SORCS3: variants seen among roughly 807,000 people sequenced by gnomAD.
SORCS3 encodes VPS10 domain-containing receptor SorCS3.
A neutral mutation model predicts 146.3 loss-of-function variants in SORCS3; 57 were observed. The observed-to-expected ratio is 0.39, with a 90% CI of 0.31 to 0.49. SORCS3 has a LOEUF of 0.49. Ranked by LOEUF, SORCS3 falls within the 20% of genes least tolerant of loss-of-function variation. The pLI is 0.92. For synonymous variants in SORCS3, 653 were observed against 618.5 expected, an observed-to-expected ratio of 1.06 and a Z score of -0.83; for missense variants, 1,341 against 1,575.5, an observed-to-expected ratio of 0.85 and a Z score of 2.52.
intron 1 of SORCS3, among the ~76,000 whole-genome samples, chr10:104,675,963 A>C (rs1260861129): frequency 6.6e-6 from 1 of 152,162 alleles, no homozygotes; most frequent in Non-Finnish European, 1.5e-5. Context: ...GAACCTTTTT[A>C]AATTTTCCTT....
intron 3 of SORCS3, among the ~76,000 whole-genome samples, chr10:104,956,620 A>G (rs1427280542): frequency 1.3e-5 from 2 of 151,464 alleles, no homozygotes; most frequent in African/African-American, 4.9e-5. Flanking sequence ...TAAATTTTAC[A>G]GTTGAGTAGA....
chr10:105,157,369 G>T lies in SORCS3; in HGVS notation c.1629+85G>T, dbSNP rs563641905. On this transcript the variant is annotated intron_variant, in intron 10 of 26. Coordinates refer to ENST00000369701, the MANE Select transcript of SORCS3 (RefSeq NM_014978.3). ...GTCGAGGGCTTTGTTTCGTCAAAGGGTCTTAGGAACTCAGGTGGTGCAGAG... is the reference window on the plus strand; with the variant it reads ...GTCGAGGGCTTTGTTTCGTCAAAGGTTCTTAGGAACTCAGGTGGTGCAGAG... 3.3e-5 allele frequency: 50 copies of T among 1,531,812 alleles called. No individual in the cohort carries two copies. The African/African-American group carries it at 4.9e-4, about 15-fold the overall frequency. The allele number at this position is 1,531,812 out of a possible 1,614,324, so 94.9% of individuals were successfully genotyped here.
At chr10:104,739,981 A>G (rs1409832064) in intron 1 of SORCS3, among the ~76,000 whole-genome samples, 5 of 152,174 alleles carry the variant, frequency 3.3e-5, no homozygotes, top group Non-Finnish European at 7.3e-5. Context: ...TGGTATGTTT[A>G]ATGGTGAACA....
At chr10:105,245,103 G>C (rs2056858126) in intron 20 of SORCS3, among the ~76,000 whole-genome samples, 1 of 151,428 alleles carries the variant, frequency 6.6e-6, no homozygotes. Context: ...TGCTTAGGGT[G>C]GGTAATACAG....
chr10:105,076,674 C>G (rs951128176), intron 5 of SORCS3, among the ~76,000 whole-genome samples: 6 of 152,138 alleles, frequency 3.9e-5, no homozygotes, highest in Non-Finnish European at 8.8e-5. Context: ...AAGCCCCAAC[C>G]CTTTGTGGAA....
Position 105,167,274 on chromosome 10 carries a change from A to G in SORCS3, c.1826A>G (p.Tyr609Cys). The change falls in exon 13 of 27, where the codon TAC becomes TGC. Residue 609 changes from tyrosine to cysteine, a missense_variant. By Grantham distance (194) the Tyr-to-Cys change is radical. Transcript: ENST00000369701. ...TTGTTCCAGATCTTTGATGAAGAGT[A>G]CAATGTCTGGTTCCTAGACTGGGGT... ...NTWRQIFDEE[Y>C]NVWFLDWGGA... 6.2e-7 allele frequency: 1 copy of G among 1,613,000 alleles called. No individual in the cohort carries two copies. The highest frequency in any genetic ancestry group is 8.5e-7 in the Non-Finnish European group (1 of 1,179,138).
rs570319412 is a variant in SORCS3 at position 104,870,041 on chromosome 10, A to G, written c.695+27182A>G. ...GAAAGTTGTTGGAATAATGCATGGC[A>G]TAGCATAAGAGCTCTAGAAATGCTC... On this transcript the variant is annotated intron_variant, in intron 2 of 26. Transcript: ENST00000369701. 7.9e-5 allele frequency among the ~76,000 whole-genome samples: 12 copies of G among 152,346 alleles called. No individual in the cohort carries two copies. In the South Asian group the frequency reaches 1.2e-3, roughly 16 times the overall value.
intron 2 of SORCS3, among the ~76,000 whole-genome samples, chr10:104,870,451 CTTGTTAACAACTA>C (rs2018507416): frequency 4.2e-5 from 6 of 143,976 alleles, no homozygotes; most frequent in Non-Finnish European, 9.1e-5. Context: ...TTTTTTTTTT[CTTGTTAACAACTA>C]TTGTATTACT....
chr10:104,877,203 C>T (rs893938079), intron 2 of SORCS3, among the ~76,000 whole-genome samples: 2 of 152,060 alleles, frequency 1.3e-5, no homozygotes, highest in African/African-American at 2.4e-5. Context: ...ATTCTTAACC[C>T]GTATTTCACC....
intron 3 of SORCS3, among the ~76,000 whole-genome samples, chr10:104,926,247 C>G (rs2019144550): frequency 6.6e-6 from 1 of 152,204 alleles, no homozygotes. Flanking sequence ...TCTCTTAAAA[C>G]CAGACTTGCT....
chr10:104,776,003 G>A (rs1040453805), intron 1 of SORCS3, among the ~76,000 whole-genome samples: 5 of 152,176 alleles, frequency 3.3e-5, no homozygotes, highest in African/African-American at 1.2e-4. Flanking sequence ...TGAGCACTAA[G>A]GGTCTAGAAG....
rs116644368 is a variant in SORCS3, at chr10:104,839,807, G to A, written c.628-2985G>A. On this transcript the variant is annotated intron_variant, in intron 1 of 26. Coordinates refer to ENST00000369701, the MANE Select transcript of SORCS3 (RefSeq NM_014978.3). ...GAGAAACTTATCAGGAAAAATGCCCGTGAGAGAAAGTGGGAAAGGAGCCAG... is the reference window on the plus strand; with the variant it reads ...GAGAAACTTATCAGGAAAAATGCCCATGAGAGAAAGTGGGAAAGGAGCCAG... 9.0e-3 allele frequency among the ~76,000 whole-genome samples: 1,367 copies of A among 152,240 alleles called. 17 individuals are homozygous for A. Among genetic ancestry groups the A allele is most frequent in the African/African-American group, 0.031 (1,278 of 41,544 alleles).
chr10:105,047,180 G>T (rs1264685024), intron 5 of SORCS3, among the ~76,000 whole-genome samples: 1 of 151,820 alleles, frequency 6.6e-6, no homozygotes, highest in Non-Finnish European at 1.5e-5. Context: ...TACTTGTTGT[G>T]ATTCACAGCT....
In SORCS3 at chr10:104,655,602, C is replaced by T. The variant is rs79273184; in HGVS notation, c.627+13648C>T. 2.0e-3 allele frequency among the ~76,000 whole-genome samples: 310 copies of T among 152,286 alleles called. 9 individuals carry two copies. In the East Asian group the frequency reaches 0.054, roughly 27 times the overall value. On this transcript the variant is annotated intron_variant, in intron 1 of 26. Coordinates refer to ENST00000369701, the MANE Select transcript of SORCS3 (RefSeq NM_014978.3). ...TTTGGAACTGTGTTCTTGCCCAAATCTCATGTTAAATTGTAATCCCCATTG... is the reference window on the plus strand; with the variant it reads ...TTTGGAACTGTGTTCTTGCCCAAATTTCATGTTAAATTGTAATCCCCATTG...
chr10:104,760,492 C>T (rs778959060), intron 1 of SORCS3, among the ~76,000 whole-genome samples: 5 of 152,130 alleles, frequency 3.3e-5, no homozygotes, highest in African/African-American at 1.2e-4. Context: ...TTTATGTACT[C>T]CAAGTTGAAC....
rs141377974 is a variant in SORCS3, at chr10:105,027,807, C to G, written c.955-15248C>G. 3.2e-4 allele frequency among the ~76,000 whole-genome samples: 48 copies of G among 152,252 alleles called. No individual in the cohort carries two copies. The East Asian group carries it at 3.3e-3, about 10-fold the overall frequency. ...CCAGGACATGGTGCTGAAGGGCTTC[C>G]TAGTGCTCCTGAGCACAAGGAGACT... On this transcript the variant is annotated intron_variant, in intron 4 of 26. Transcript: ENST00000369701.
intron 8 of SORCS3, 143 bp from the exon 9 acceptor site, chr10:105,147,474 T>C: frequency 1.7e-6 from 1 of 600,542 alleles, no homozygotes; most frequent in Non-Finnish European, 2.7e-6. Context: ...TTTATAGCCT[T>C]GGTTCAACAT....
chr10:105,160,895 C>T (rs956582676), intron 11 of SORCS3, among the ~76,000 whole-genome samples: 1 of 152,102 alleles, frequency 6.6e-6, no homozygotes, highest in Admixed American at 6.5e-5. Flanking sequence ...TTTTTAAACT[C>T]TGAGCTTCAT....
intron 3 of SORCS3, among the ~76,000 whole-genome samples, chr10:104,966,673 A>G (rs531754453): frequency 6.6e-6 from 1 of 152,320 alleles, no homozygotes; most frequent in South Asian, 2.1e-4. Flanking sequence ...AGGCAACTGA[A>G]TAAAGTGACA....
Sources: allele counts gnomAD v4.1 joint callset (sites outside exome capture counted in the v4.1 genomes callset), GRCh38; gene constraint gnomAD v4.1.1; transcripts MANE v1.5; gene names NCBI Gene and HGNC (gene_info 2026-07-23, HGNC 2026-07-21).